NEDD4L: variants seen among roughly 807,000 people sequenced by gnomAD.
NEDD4L encodes the protein NEDD4 like E3 ubiquitin protein ligase.
NEDD4L carries 54 observed loss-of-function variants against 148.9 expected under a neutral mutation model. The ratio of observed to expected loss-of-function variants is 0.36; its 90% confidence interval spans 0.29 to 0.45. NEDD4L has a LOEUF of 0.45. Ranked by LOEUF, NEDD4L falls within the 20% of genes least tolerant of loss-of-function variation. The pLI, the probability that NEDD4L is intolerant of heterozygous loss-of-function variation, is 1.00. For synonymous variants in NEDD4L, 433 were observed against 440.7 expected (o/e 0.98, Z 0.22); for missense variants, 856 against 1,233.8 (o/e 0.69, Z 4.59).
At chr18:58,118,886 C>T (rs904609380) in intron 1 of NEDD4L, among the ~76,000 whole-genome samples, 2 of 152,130 alleles carry the variant, frequency 1.3e-5, no homozygotes, top group Non-Finnish European at 2.9e-5. Context: ...AGATCCTCTT[C>T]AGCCCCCCAA....
rs955950192 is a variant in NEDD4L at position 58,256,445 on chromosome 18, G to C, written c.297+4391G>C. The C allele has an allele frequency of 7.6e-5, 94 of 1,232,312 alleles. No homozygotes were observed. The highest frequency in any genetic ancestry group is 8.8e-5 in the Non-Finnish European group (87 of 988,102). 76.3% of individuals were successfully genotyped at this position (1,232,312 alleles called of 1,614,324 possible). A position where few individuals can be genotyped will look rare whatever the true frequency, so the allele number is the denominator to read the frequency against. On this transcript the variant is annotated intron_variant, in intron 5 of 30. Transcript: ENST00000400345. This position sits in a 1 kb window ranked among gnomAD's most constrained non-coding sequence, Gnocchi z 5.2. ...CAACTTTGGCTTCACGGGCACAAAGGGGGACAGGTTGGTGAGGTATCCTCG... is the reference window on the plus strand; with the variant it reads ...CAACTTTGGCTTCACGGGCACAAAGCGGGACAGGTTGGTGAGGTATCCTCG...
At chr18:58,372,830 CAAAA>C (rs11318354) in intron 23 of NEDD4L, among the ~76,000 whole-genome samples, 2 of 132,784 alleles carry the variant, frequency 1.5e-5, no homozygotes, top group Non-Finnish European at 1.6e-5. Flanking sequence ...ATCTCAAAAA[CAAAA>C]AAAAAAAAAA....
intron 12 of NEDD4L, 47 bp downstream of exon 12, chr18:58,333,939 A>G (rs2041375922): frequency 2.3e-6 from 3 of 1,279,388 alleles, no homozygotes; most frequent in East Asian, 2.3e-5. Context: ...TTGGGCTTTC[A>G]TTTACAATCA....
At chr18:58,296,779 G>A (rs1053932854) in intron 5 of NEDD4L, among the ~76,000 whole-genome samples, 19 of 152,172 alleles carry the variant, frequency 1.2e-4, no homozygotes, top group African/African-American at 2.4e-4. Context: ...AAAATTAGCC[G>A]GGCGTGGTGG....
intron 2 of NEDD4L, among the ~76,000 whole-genome samples, chr18:58,215,976 CA>C (rs1333416925): frequency 6.6e-6 from 1 of 151,246 alleles, no homozygotes; most frequent in Non-Finnish European, 1.5e-5. Flanking sequence ...TTGTGCAAAA[CA>C]AGAATTTTTT....
intron 3 of NEDD4L, among the ~76,000 whole-genome samples, chr18:58,246,640 T>C (rs2047297208): frequency 2.0e-5 from 3 of 152,102 alleles, no homozygotes; most frequent in Non-Finnish European, 4.4e-5. Context: ...AATTATTGTA[T>C]TTTTAGTAGA....
At chr18:58,128,692 T>A (rs1394808982) in intron 1 of NEDD4L, among the ~76,000 whole-genome samples, 1 of 152,218 alleles carries the variant, frequency 6.6e-6, no homozygotes, top group Admixed American at 6.5e-5. Context: ...TGGTGCTTGC[T>A]GTTTCTGTGT....
chr18:58,144,683 G>A (rs913180022), intron 1 of NEDD4L, among the ~76,000 whole-genome samples: 8 of 151,986 alleles, frequency 5.3e-5, no homozygotes, highest in Non-Finnish European at 8.8e-5. Context: ...TGAAACCATA[G>A]ATGAAGATAA....
intron 4 of NEDD4L, 27 bp from the exon 5 acceptor site, chr18:58,251,973 TA>T (rs764678811): frequency 7.0e-5 from 94 of 1,334,704 alleles, no homozygotes; most frequent in Admixed American, 1.5e-4. Context: ...CCTGCTCGTT[TA>T]AAAAATACTA....
At chr18:58,276,397 T>A (rs1389237604) in intron 5 of NEDD4L, among the ~76,000 whole-genome samples, 4 of 151,920 alleles carry the variant, frequency 2.6e-5, no homozygotes, top group Non-Finnish European at 5.9e-5. Flanking sequence ...TTGGTAGAGA[T>A]GAGTTTTCGC....
intron 1 of NEDD4L, among the ~76,000 whole-genome samples, chr18:58,055,597 TC>T (rs2082052622): frequency 6.6e-6 from 1 of 152,226 alleles, no homozygotes; most frequent in Non-Finnish European, 1.5e-5. Context: ...GTGTTTTGTG[TC>T]TAAGGATTAC....
rs549703603 is a variant in NEDD4L, at chr18:58,274,689, A to G, written c.297+22635A>G. ...CCTGCACCAAGATCCAGTTCTTTTGAATCTGATTTAATAGGCAGATGATGA... is the reference window on the plus strand; with the variant it reads ...CCTGCACCAAGATCCAGTTCTTTTGGATCTGATTTAATAGGCAGATGATGA... On this transcript the variant is annotated intron_variant, in intron 5 of 30. Transcript: ENST00000400345. Among the ~76,000 whole-genome samples the G allele has an allele frequency of 2.6e-5, 4 of 152,372 alleles. No individual in the cohort carries two copies. The South Asian group carries it at 8.3e-4, about 32-fold the overall frequency.
intron 5 of NEDD4L, among the ~76,000 whole-genome samples, chr18:58,258,756 C>T (rs1036352337): frequency 3.9e-5 from 6 of 152,258 alleles, no homozygotes; most frequent in African/African-American, 7.2e-5. Context: ...TTAAGCAAAA[C>T]GATTTTTCTT....
intron 2 of NEDD4L, among the ~76,000 whole-genome samples, chr18:58,211,053 T>TA (rs1186805680): frequency 6.6e-6 from 1 of 152,150 alleles, no homozygotes; most frequent in Non-Finnish European, 1.5e-5. Context: ...CCTAATATAG[T>TA]ACAATCTGAG....
chr18:58,273,090 C>T (rs940680267), intron 5 of NEDD4L, among the ~76,000 whole-genome samples: 2 of 152,110 alleles, frequency 1.3e-5, no homozygotes, highest in Non-Finnish European at 2.9e-5. Flanking sequence ...GCCCAAAGGT[C>T]CTGCGCTGGG....
intron 1 of NEDD4L, among the ~76,000 whole-genome samples, chr18:58,094,169 C>A (rs1280553361): frequency 6.8e-6 from 1 of 146,484 alleles, no homozygotes; most frequent in African/African-American, 2.5e-5. Context: ...CCTGCACCCC[C>A]TTTTTTTTTT....
rs1054071051 is a variant in NEDD4L, at chr18:58,252,025, C to T, written c.268C>T (p.Leu90=). The T allele has an allele frequency of 1.3e-6, 2 of 1,594,726 alleles. No individual in the cohort carries two copies. The highest frequency in any genetic ancestry group is 8.6e-7 in the Non-Finnish European group (1 of 1,162,568). Residue 90 remains leucine, a synonymous_variant, in exon 5 of 31, where the codon CTA becomes TTA. Coordinates refer to ENST00000400345, the MANE Select transcript of NEDD4L (RefSeq NM_001144967.3). The part of the protein sequence containing the change: ...FRVNPSNHRL[L]FEVFDENRLT... ...GGTAAACCCATCTAATCACAGACTC[C>T]TATTTGAAGTATTTGACGAAAATAG...
At chr18:58,350,077 G>A (rs1182583464) in intron 17 of NEDD4L, among the ~76,000 whole-genome samples, 1 of 152,126 alleles carries the variant, frequency 6.6e-6, no homozygotes, top group African/African-American at 2.4e-5. Context: ...CCTTGTTGGT[G>A]ACGGCTCAGT....
chr18:58,072,587 A>T (rs559806373), intron 1 of NEDD4L, among the ~76,000 whole-genome samples: 1 of 152,240 alleles, frequency 6.6e-6, no homozygotes, highest in Non-Finnish European at 1.5e-5. Flanking sequence ...ACAATTTGAT[A>T]AAGACTGTCT....
Sources: allele counts gnomAD v4.1 joint callset (sites outside exome capture counted in the v4.1 genomes callset), GRCh38; gene constraint gnomAD v4.1.1; non-coding constraint Gnocchi (gnomAD v3.1); transcripts MANE v1.5; gene names NCBI Gene and HGNC (gene_info 2026-07-23, HGNC 2026-07-21).